Variants in PLSCR2 observed in about 807,000 individuals in gnomAD.
The protein encoded by PLSCR2 is phospholipid scramblase 2.
PLSCR2 carries 18 observed loss-of-function variants against 25.3 expected under a neutral mutation model. That is an observed-to-expected ratio of 0.71 (90% CI 0.49 to 1.06). The LOEUF is 1.06. Ranked by LOEUF, PLSCR2 falls within the 50% of genes least tolerant of loss-of-function variation. The probability of loss-of-function intolerance (pLI) is 0.00; values close to 1 mark genes in which losing one functional copy is unlikely to be tolerated. For synonymous variants in PLSCR2, 88 were observed against 87.3 expected, an observed-to-expected ratio of 1.01 and a Z score of -0.04; for missense variants, 243 against 269.5, an observed-to-expected ratio of 0.90 and a Z score of 0.69.
At chr3:146,394,736 T>C (rs930828039) in intron 3 of PLSCR2, among the ~76,000 whole-genome samples, 2 of 152,260 alleles carry the variant, frequency 1.3e-5, no homozygotes, top group African/African-American at 4.8e-5. Context: ...CTGATATGGT[T>C]TGGCTCTGGG....
exon 2 of PLSCR2, chr3:146,459,980 G>A (rs773060953): frequency 6.2e-7 from 1 of 1,613,856 alleles, no homozygotes; most frequent in South Asian, 1.1e-5. Flanking sequence ...GGACTAGGTA[G>A]TCATGCTGAC....
intron 1 of PLSCR2, among the ~76,000 whole-genome samples, chr3:146,489,968 T>A (rs2043486267): frequency 1.3e-5 from 2 of 152,096 alleles, no homozygotes; most frequent in African/African-American, 4.8e-5. Flanking sequence ...AAGGCACATT[T>A]ACCCCATTCC....
chr3:146,418,106 C>T (rs2039042974), intron 2 of PLSCR2, among the ~76,000 whole-genome samples: 3 of 152,100 alleles, frequency 2.0e-5, no homozygotes, highest in Admixed American at 2.0e-4. Flanking sequence ...ATCTAAAGAT[C>T]CTTAATGCAA....
At chr3:146,469,655 G>T in intron 1 of PLSCR2, 94 bp from the exon 1 acceptor site, 1 of 764,082 alleles carries the variant, frequency 1.3e-6, no homozygotes, top group Non-Finnish European at 1.6e-6. Context: ...ACCTGCAGCA[G>T]CCCCTAGTTT....
Position 146,469,271 on chromosome 3 carries a change from A to G in PLSCR2, c.-292-8987T>C, listed in dbSNP as rs73865733. The G allele has an allele frequency of 3.2e-5, 32 of 985,334 alleles. No individual in the cohort carries two copies. In the South Asian group the frequency reaches 4.7e-4, roughly 14 times the overall value. The allele number at this position is 985,334 out of a possible 1,614,324, so 61.0% of individuals were successfully genotyped here. A position where few individuals can be genotyped will look rare whatever the true frequency, so the allele number is the denominator to read the frequency against. On this transcript the variant is annotated intron_variant, in intron 1 of 8. Coordinates refer to the PLSCR2 transcript ENST00000336685. Reference sequence around the variant, plus strand: ...GCCCCGCAAGGCGTTTTCAGGCAGGACACCCCTTGTCATTCGAACGGTTCT... The same window carrying G: ...GCCCCGCAAGGCGTTTTCAGGCAGGGCACCCCTTGTCATTCGAACGGTTCT...
intron 1 of PLSCR2, among the ~76,000 whole-genome samples, chr3:146,479,506 T>C (rs1237771054): frequency 6.6e-6 from 1 of 152,158 alleles, no homozygotes; most frequent in East Asian, 1.9e-4. Flanking sequence ...GGCCATTACA[T>C]AATGGTAAAG....
At chr3:146,437,959 T>G (rs190403467), downstream of PLSCR2, among the ~76,000 whole-genome samples, 245 of 152,294 alleles carry the variant, frequency 1.6e-3, 2 homozygotes, top group African/African-American at 5.7e-3. Context: ...GTCCCAGAGA[T>G]TCTAGTATGT....
chr3:146,488,455 C>T (rs1399502398), intron 1 of PLSCR2, among the ~76,000 whole-genome samples: 1 of 151,956 alleles, frequency 6.6e-6, no homozygotes, highest in African/African-American at 2.4e-5. Flanking sequence ...TATCCAGAAT[C>T]TACAAGGAAC....
chr3:146,405,494 A>G (rs2038634689), intron 2 of PLSCR2, among the ~76,000 whole-genome samples: 2 of 152,118 alleles, frequency 1.3e-5, no homozygotes, highest in Non-Finnish European at 2.9e-5. Flanking sequence ...AGTGGAAACA[A>G]GGCTAGATGA....
chr3:146,430,853 C>A (rs2039521887), downstream of PLSCR2, among the ~76,000 whole-genome samples: 3 of 151,690 alleles, frequency 2.0e-5, no homozygotes, highest in South Asian at 6.3e-4. Flanking sequence ...CCCCACTGAT[C>A]CATGTGCCCA....
intron 2 of PLSCR2, among the ~76,000 whole-genome samples, chr3:146,459,511 T>C (rs2041428463): frequency 4.6e-5 from 7 of 152,290 alleles, no homozygotes; most frequent in Admixed American, 3.3e-4. Flanking sequence ...TTATACATCA[T>C]AGGGATTCTG....
chr3:146,495,931 C>T (rs768795941), exon 1 of PLSCR2: 465 of 1,534,960 alleles, frequency 3.0e-4, no homozygotes, highest in Non-Finnish European at 3.7e-4. Flanking sequence ...ATTCTCCATT[C>T]GGCCCACAAT....
chr3:146,462,075 G>C (rs551543043), upstream of PLSCR2: 8 of 520,384 alleles, frequency 1.5e-5, no homozygotes, highest in East Asian at 1.9e-4. Context: ...TTCTGAAAGA[G>C]ACCTGATATT....
chr3:146,464,855 A>T (rs1339258693), upstream of PLSCR2, among the ~76,000 whole-genome samples: 5 of 152,234 alleles, frequency 3.3e-5, no homozygotes, highest in African/African-American at 1.2e-4. Flanking sequence ...GAGAAATAGC[A>T]CAGAGGATTT....
At chr3:146,418,748 T>TAGG (rs1431715885) in intron 2 of PLSCR2, among the ~76,000 whole-genome samples, 1 of 152,172 alleles carries the variant, frequency 6.6e-6, no homozygotes, top group Admixed American at 6.6e-5. Flanking sequence ...GTAATGTTAT[T>TAGG]AGGCAGTTTT....
At chr3:146,455,261 C>G in exon 4 of PLSCR2, 1 of 1,613,578 alleles carries the variant, frequency 6.2e-7, no homozygotes, top group Non-Finnish European at 8.5e-7. Flanking sequence ...GCAGGGGCAA[C>G]AACAACAGTT....
chr3:146,399,459 A>G (rs1435331917), intron 2 of PLSCR2, among the ~76,000 whole-genome samples: 1 of 151,912 alleles, frequency 6.6e-6, no homozygotes, highest in African/African-American at 2.4e-5. Context: ...ACACACATAT[A>G]CACACATAGT....
chr3:146,468,715 A>C (rs1199890999), intron 1 of PLSCR2, among the ~76,000 whole-genome samples: 1 of 152,226 alleles, frequency 6.6e-6, no homozygotes, highest in East Asian at 1.9e-4. Context: ...CCATAAAGAT[A>C]AAATGTTTAC....
chr3:146,465,673 T>C (rs984867953), intron 1 of PLSCR2, among the ~76,000 whole-genome samples: 1 of 152,094 alleles, frequency 6.6e-6, no homozygotes, highest in Non-Finnish European at 1.5e-5. Context: ...TCTACCATTC[T>C]GAAAACAATC....
Sources: gnomAD v4.1 joint callset for allele counts (sites outside exome capture counted in the v4.1 genomes callset) on GRCh38, gnomAD v4.1.1 for gene constraint, MANE v1.5 for transcripts, NCBI Gene and HGNC (gene_info 2026-07-23, HGNC 2026-07-21) for gene names.